The following PHACTR3 variants were observed in gnomAD, a reference collection of about 807,000 sequenced individuals.
The protein encoded by PHACTR3 is protein phosphatase 1, regulatory subunit 123.
In PHACTR3, 16 loss-of-function variants were observed where a neutral mutation model predicts 66.8. That is an observed-to-expected ratio of 0.24 (90% CI 0.16 to 0.36). The LOEUF is 0.36. Among genes scored for constraint, PHACTR3 ranks in the 10% least tolerant of loss-of-function variants. PHACTR3 has a pLI of 1.00. For synonymous variants in PHACTR3, 323 were observed against 292.1 expected (o/e 1.11, Z -1.08); for missense variants, 647 against 719.9 (o/e 0.90, Z 1.16).
At chr20:59,606,144 A>T in intron 1 of PHACTR3, among the ~76,000 whole-genome samples, 1 of 152,254 alleles carries the variant, frequency 6.6e-6, no homozygotes, top group East Asian at 1.9e-4. Flanking sequence ...ACGACCCCAG[A>T]TGGGGACTTG....
At chr20:59,653,699 A>G (rs981036129) in intron 1 of PHACTR3, among the ~76,000 whole-genome samples, 1 of 151,720 alleles carries the variant, frequency 6.6e-6, no homozygotes, top group East Asian at 1.9e-4. Context: ...GTTGTTATGA[A>G]TCAAGATTCT....
intron 1 of PHACTR3, among the ~76,000 whole-genome samples, chr20:59,714,156 A>G (rs1010287064): frequency 2.0e-5 from 3 of 152,174 alleles, no homozygotes; most frequent in Admixed American, 6.5e-5. Flanking sequence ...AAGTTCCTCA[A>G]TGTGCTTTGC....
intron 1 of PHACTR3, among the ~76,000 whole-genome samples, chr20:59,649,068 C>T (rs746538533): frequency 1.3e-5 from 2 of 152,156 alleles, no homozygotes; most frequent in Non-Finnish European, 2.9e-5. Context: ...TGATTTTCCC[C>T]CAGAGTTTCC....
intron 7 of PHACTR3, among the ~76,000 whole-genome samples, chr20:59,789,828 C>T (rs2041034462): frequency 2.0e-5 from 3 of 152,198 alleles, no homozygotes; most frequent in African/African-American, 7.2e-5. Context: ...GGATTCATTA[C>T]TCCCTCTACC....
chr20:59,612,303 C>A (rs780871137), intron 1 of PHACTR3, among the ~76,000 whole-genome samples: 1 of 151,234 alleles, frequency 6.6e-6, no homozygotes, highest in Non-Finnish European at 1.5e-5. Context: ...CCTGCTGGGG[C>A]GGAGCTGCTT....
chr20:59,717,586 C>G lies in PHACTR3; in HGVS notation c.119-25521C>G, dbSNP rs141507964. 2.3e-3 allele frequency among the ~76,000 whole-genome samples: 349 copies of G among 152,334 alleles called. 1 individual carries two copies. Among genetic ancestry groups the G allele is most frequent in the African/African-American group, 7.9e-3 (328 of 41,578 alleles). On this transcript the variant is annotated intron_variant, in intron 1 of 12. Coordinates refer to ENST00000371015, the MANE Select transcript of PHACTR3 (RefSeq NM_080672.5). The stretch of plus-strand genomic sequence containing the variant: ...AGAGGTGGAGCAACTCGCTCACAGC[C>G]TGGTGCATGCTCAGGGGTGGAGCTG...
intron 8 of PHACTR3, among the ~76,000 whole-genome samples, chr20:59,826,866 G>A (rs2042207379): frequency 6.6e-6 from 1 of 152,142 alleles, no homozygotes; most frequent in East Asian, 1.9e-4. Flanking sequence ...GACATTCTCT[G>A]CGTTACCTTG....
chr20:59,605,156 G>T, intron 1 of PHACTR3, 24 bp downstream of exon 1: 1 of 1,273,808 alleles, frequency 7.9e-7, no homozygotes. Context: ...CGGGGGCGGC[G>T]GGCGGGTCGG....
intron 1 of PHACTR3, among the ~76,000 whole-genome samples, chr20:59,707,055 TG>T (rs1474490622): frequency 6.6e-6 from 1 of 152,224 alleles, no homozygotes; most frequent in African/African-American, 2.4e-5. Context: ...CGACTTGAGC[TG>T]GTGTAAATGA....
chr20:59,748,105 G>T (rs1960746849), intron 3 of PHACTR3, among the ~76,000 whole-genome samples: 1 of 152,208 alleles, frequency 6.6e-6, no homozygotes. Context: ...AGAGCTGGGT[G>T]TGCATGAATC....
At chr20:59,729,871 G>A (rs1305437496) in intron 1 of PHACTR3, among the ~76,000 whole-genome samples, 2 of 152,198 alleles carry the variant, frequency 1.3e-5, no homozygotes, top group African/African-American at 2.4e-5. Context: ...GCTCTTGGGT[G>A]AAAATCCTCC....
intron 1 of PHACTR3, among the ~76,000 whole-genome samples, chr20:59,737,526 A>G (rs2038989511): frequency 6.7e-6 from 1 of 150,152 alleles, no homozygotes; most frequent in Admixed American, 6.6e-5. Flanking sequence ...GTGTGCGTGT[A>G]TGTGTGTGCG....
At chr20:59,714,852 T>G (rs1280003502) in intron 1 of PHACTR3, among the ~76,000 whole-genome samples, 2 of 152,208 alleles carry the variant, frequency 1.3e-5, no homozygotes, top group East Asian at 3.8e-4. Flanking sequence ...TTTTTCTTTT[T>G]TCTCAATAAT....
At chr20:59,647,389 C>T (rs1601001488) in intron 1 of PHACTR3, among the ~76,000 whole-genome samples, 1 of 152,154 alleles carries the variant, frequency 6.6e-6, no homozygotes, top group South Asian at 2.1e-4. Context: ...GGTGGGGACA[C>T]AGCCAAACCA....
intron 1 of PHACTR3, among the ~76,000 whole-genome samples, chr20:59,627,914 A>C (rs928216481): frequency 6.6e-6 from 1 of 152,138 alleles, no homozygotes; most frequent in Admixed American, 6.5e-5. Context: ...TCTGTCATCC[A>C]TCTGCTAATC....
intron 1 of PHACTR3, among the ~76,000 whole-genome samples, chr20:59,740,047 A>G (rs2039094419): frequency 6.6e-6 from 1 of 152,180 alleles, no homozygotes; most frequent in Admixed American, 6.5e-5. Context: ...TGAAGGTAAA[A>G]TAGGACAATG....
intron 1 of PHACTR3, among the ~76,000 whole-genome samples, chr20:59,642,785 T>C (rs1467832118): frequency 6.6e-6 from 1 of 152,230 alleles, no homozygotes; most frequent in Non-Finnish European, 1.5e-5. Flanking sequence ...GGAATGAAGA[T>C]TGGAAACCCT....
intron 7 of PHACTR3, among the ~76,000 whole-genome samples, chr20:59,803,901 T>A (rs2041491985): frequency 6.6e-6 from 1 of 152,180 alleles, no homozygotes; most frequent in South Asian, 2.1e-4. Flanking sequence ...GGGAGGGTGA[T>A]GTCTGTCACA....
chr20:59,811,899 C>G (rs943629477), intron 8 of PHACTR3, among the ~76,000 whole-genome samples: 4 of 152,210 alleles, frequency 2.6e-5, no homozygotes, highest in Non-Finnish European at 5.9e-5. Flanking sequence ...TCAGGGCCCT[C>G]TGGAAGATTC....
Sources: allele counts gnomAD v4.1 joint callset (sites outside exome capture counted in the v4.1 genomes callset), GRCh38; gene constraint gnomAD v4.1.1; transcripts MANE v1.5; gene names NCBI Gene and HGNC (gene_info 2026-07-23, HGNC 2026-07-21).